APMAP: variants seen among roughly 807,000 people sequenced by gnomAD.
The protein encoded by APMAP is adipocyte plasma membrane associated protein.
APMAP carries 33 observed loss-of-function variants against 43.6 expected under a neutral mutation model. The ratio of observed to expected loss-of-function variants is 0.76; its 90% CI spans 0.57 to 1.01. The LOEUF is 1.01. APMAP is among the 50% of genes least tolerant of loss of function. The pLI, the probability that APMAP is intolerant of heterozygous loss-of-function variation, is 0.00. For synonymous variants in APMAP, 224 were observed against 216.7 expected (o/e 1.03, Z -0.30); for missense variants, 498 against 540.7 (o/e 0.92, Z 0.78).
At chr20:24,966,902 G>A (rs1473931606) in intron 8 of APMAP, among the ~76,000 whole-genome samples, 5 of 152,138 alleles carry the variant, frequency 3.3e-5, no homozygotes, top group African/African-American at 7.2e-5. Flanking sequence ...GAGTGACAGG[G>A]CATTAGGCCA....
chr20:24,980,564 A>T (rs1371699712), intron 2 of APMAP, among the ~76,000 whole-genome samples: 2 of 151,240 alleles, frequency 1.3e-5, no homozygotes, highest in Non-Finnish European at 1.5e-5. Context: ...TGACAAAAGC[A>T]GACCTACCAG....
At position 24,978,749 on chromosome 20, in the gene APMAP, ACC is replaced by A. The variant is rs750247587; in HGVS notation, c.328+16_328+17del. ...AGACAGCCTGGAAGGCTCCCCCCCCACCCAAGCTTAGACTTACCCCCAATATG... is the reference window on the plus strand; with the variant it reads ...AGACAGCCTGGAAGGCTCCCCCCCCACAAGCTTAGACTTACCCCCAATATG... On this transcript the variant is annotated intron_variant, in intron 3 of 8. Transcript: ENST00000217456. The A allele has an allele frequency of 2.5e-6, 3 of 1,213,284 alleles. No individual in the cohort carries two copies. Among genetic ancestry groups the A allele is most frequent in the South Asian group, 1.3e-5 (1 of 79,534 alleles). The allele number at this position is 1,213,284 out of a possible 1,614,324, so 75.2% of individuals were successfully genotyped here. A position where few individuals can be genotyped will look rare whatever the true frequency, so the allele number is the denominator to read the frequency against.
In APMAP at chr20:24,970,255, T is replaced by G; in HGVS notation, c.655A>C (p.Ser219Arg). 1.2e-6 allele frequency: 2 copies of G among 1,614,172 alleles called. No homozygotes were observed. The highest frequency in any genetic ancestry group is 2.2e-5 in the South Asian group (2 of 91,084). Residue 219 changes from serine to arginine, a missense_variant, in exon 6 of 9, where the codon AGC becomes CGC. Physicochemically the swap from Ser to Arg is moderately radical, Grantham distance 110. Coordinates refer to ENST00000217456, the MANE Select transcript of APMAP (RefSeq NM_020531.3). ...AGGTAGTCTCGTCTTTGCCATTTGC[T>G]GCTAGAATCGGTGAAATAAATCTTC... ...GRKIYFTDSS[S>R]KWQRRDYLLL...
intron 2 of APMAP, among the ~76,000 whole-genome samples, chr20:24,981,880 CCA>C (rs763255474): frequency 5.9e-5 from 9 of 152,224 alleles, no homozygotes; most frequent in Non-Finnish European, 1.2e-4. Context: ...CCATGTCCTT[CCA>C]CAGAGTGACT....
chr20:24,977,656 T>C (rs1444426864), intron 3 of APMAP, among the ~76,000 whole-genome samples: 1 of 152,024 alleles, frequency 6.6e-6, no homozygotes, highest in Non-Finnish European at 1.5e-5. Flanking sequence ...CAAAGTACAA[T>C]GAGAAGTAAC....
At chr20:24,978,738 G>GCCCCCCCCCCCCCCCC in intron 3 of APMAP, 29 bp downstream of exon 3, 1 of 1,309,734 alleles carries the variant, frequency 7.6e-7, no homozygotes, top group Non-Finnish European at 1.1e-6. Flanking sequence ...AGCCTGGAAG[G>GCCCCCCCCCCCCCCCC]CTCCCCCCCC....
chr20:24,985,606 G>A (rs1435037997), intron 1 of APMAP, among the ~76,000 whole-genome samples: 1 of 152,150 alleles, frequency 6.6e-6, no homozygotes, highest in East Asian at 1.9e-4. Context: ...AAAATTAACA[G>A]TTTTCTAAGT....
intron 1 of APMAP, among the ~76,000 whole-genome samples, chr20:24,986,062 G>A (rs1302143787): frequency 6.6e-6 from 1 of 152,216 alleles, no homozygotes; most frequent in African/African-American, 2.4e-5. Context: ...GCACAGTGTT[G>A]AAGGCAAGGC....
At chr20:24,969,182 T>C in intron 7 of APMAP, 98 bp from the exon 8 acceptor site, 2 of 1,204,972 alleles carry the variant, frequency 1.7e-6, no homozygotes, top group South Asian at 1.6e-5. Flanking sequence ...CAAATATATA[T>C]ATGGAAAGTG....
intron 1 of APMAP, among the ~76,000 whole-genome samples, chr20:24,989,490 G>A (rs1043706249): frequency 6.6e-6 from 1 of 152,088 alleles, no homozygotes; most frequent in Admixed American, 6.5e-5. Context: ...CTTGGGTCCT[G>A]AACTGAAGTC....
At chr20:24,991,891 G>A (rs1600293446) in intron 1 of APMAP, among the ~76,000 whole-genome samples, 1 of 152,186 alleles carries the variant, frequency 6.6e-6, no homozygotes, top group Non-Finnish European at 1.5e-5. Context: ...AGGAGGCAAA[G>A]GGCAAAACCT....
At chr20:24,989,317 T>C (rs890209681) in intron 1 of APMAP, among the ~76,000 whole-genome samples, 1 of 152,066 alleles carries the variant, frequency 6.6e-6, no homozygotes, top group Non-Finnish European at 1.5e-5. Flanking sequence ...CACCCTGAAA[T>C]TGCCTACACT....
chr20:24,978,983 T>G lies in APMAP; in HGVS notation c.213-101A>C, dbSNP rs556885938. The G allele has an allele frequency of 1.0e-5, 9 of 875,722 alleles. No homozygotes were observed. In the East Asian group the frequency reaches 2.3e-4, roughly 22 times the overall value. The allele number at this position is 875,722 out of a possible 1,614,324, so 54.2% of individuals were successfully genotyped here. On this transcript the variant is annotated intron_variant, in intron 2 of 8. Coordinates refer to ENST00000217456, the MANE Select transcript of APMAP (RefSeq NM_020531.3). The stretch of plus-strand genomic sequence containing the variant: ...CAGTTCTTTGATAAAGATGGCACTT[T>G]CTAACAACATCCTCAGTTGCCAGAA...
At chr20:24,991,914 G>A (rs912470053) in intron 1 of APMAP, among the ~76,000 whole-genome samples, 1 of 152,176 alleles carries the variant, frequency 6.6e-6, no homozygotes, top group Non-Finnish European at 1.5e-5. Context: ...TATTTCTTAG[G>A]TGTCAACAAC....
Position 24,968,981 on chromosome 20 carries a change from C to T in APMAP, c.952G>A (p.Val318Met), listed in dbSNP as rs2087972111. The change falls in exon 8 of 9, where the codon GTG (valine) becomes ATG (methionine). Residue 318 changes from valine (V) to methionine (M), a missense_variant. Transcript: ENST00000217456. Reference sequence around the variant, plus strand: ...TTAGGGCGGATGGTCGACATGCCCACCCAGTACCCCCCAGAGCTGCTGGGC... The same window carrying T: ...TTAGGGCGGATGGTCGACATGCCCATCCAGTACCCCCCAGAGCTGCTGGGC... ...IRPSSSGGYW[V>M]GMSTIRPNPG... 1.9e-6 allele frequency: 3 copies of T among 1,614,064 alleles called. No homozygotes were observed. Among genetic ancestry groups the T allele is most frequent in the South Asian group, 2.2e-5 (2 of 91,068 alleles).
intron 4 of APMAP, 65 bp from the exon 5 acceptor site, chr20:24,971,641 T>A: frequency 7.8e-7 from 1 of 1,276,378 alleles, no homozygotes; most frequent in South Asian, 1.2e-5. Flanking sequence ...GTTCTCAGTA[T>A]CCAAGCATCT....
chr20:24,968,666 G>A lies in APMAP; in HGVS notation c.1041+226C>T, dbSNP rs1445007153. On this transcript the variant is annotated intron_variant, in intron 8 of 8. Coordinates refer to ENST00000217456, the MANE Select transcript of APMAP (RefSeq NM_020531.3). ...CAGGCAGGCAGATGCCCAAAGCCAC[G>A]ATGGTGAGGGTGACAATAAAAACAC... Among the ~76,000 whole-genome samples the A allele has an allele frequency of 2.6e-5, 4 of 152,112 alleles. No individual in the cohort carries two copies. The East Asian group carries it at 5.8e-4, about 22-fold the overall frequency.
chr20:24,990,756 T>C (rs541714262), intron 1 of APMAP, among the ~76,000 whole-genome samples: 54 of 152,158 alleles, frequency 3.5e-4, no homozygotes, highest in African/African-American at 1.3e-3. Flanking sequence ...ATGAAAAATA[T>C]AGGAGAAATG....
intron 8 of APMAP, chr20:24,964,510 C>T: frequency 2.1e-6 from 1 of 466,250 alleles, no homozygotes; most frequent in South Asian, 1.5e-5. Context: ...GGTCCACAGA[C>T]CACACAACAT....
Sources: allele counts gnomAD v4.1 joint callset (sites outside exome capture counted in the v4.1 genomes callset), GRCh38; gene constraint gnomAD v4.1.1; transcripts MANE v1.5; gene names NCBI Gene and HGNC (gene_info 2026-07-23, HGNC 2026-07-21).